Variants in TMEM63A observed in about 807,000 individuals in gnomAD.
The protein encoded by TMEM63A is mechanosensitive cation channel TMEM63A.
A neutral mutation model predicts 100.6 loss-of-function variants in TMEM63A; 76 were observed. The observed-to-expected ratio is 0.76, with a 90% confidence interval of 0.63 to 0.91. The LOEUF is 0.91. Ranked by LOEUF, TMEM63A falls within the 40% of genes least tolerant of loss-of-function variation. TMEM63A has a pLI of 0.00. For missense variants in TMEM63A, 876 were observed against 1,008.8 expected, an observed-to-expected ratio of 0.87 and a Z score of 1.78; for synonymous variants, 401 against 401.1, an observed-to-expected ratio of 1.00 and a Z score of 0.00.
At chr1:225,874,198 A>G (rs918851526) in intron 4 of TMEM63A, 90 bp downstream of exon 4, 14 of 1,262,794 alleles carry the variant, frequency 1.1e-5, no homozygotes, top group Non-Finnish European at 1.6e-5. Flanking sequence ...ACACACATAT[A>G]TGCACACACG....
Position 225,846,828 on chromosome 1 carries a change from A to AGAT in TMEM63A, c.*108_*110dup. The stretch of plus-strand genomic sequence containing the variant: ...TCCTCACCACTGCTGGGACCAGAAA[A>AGAT]GATGGGCACCTGATAGCTCAGCTGG... On this transcript the variant is annotated 3_prime_UTR_variant, in exon 25 of 25. Transcript: ENST00000366835. The AGAT allele has an allele frequency of 1.9e-6, 1 of 536,998 alleles. No homozygotes were observed. Among genetic ancestry groups the AGAT allele is most frequent in the African/African-American group, 1.9e-5 (1 of 52,022 alleles). 33.3% of individuals were successfully genotyped at this position (536,998 alleles called of 1,614,324 possible). A position where few individuals can be genotyped will look rare whatever the true frequency, so the allele number is the denominator to read the frequency against.
chr1:225,861,180 G>T, intron 13 of TMEM63A, 183 bp from the exon 14 acceptor site: 1 of 569,662 alleles, frequency 1.8e-6, no homozygotes, highest in Non-Finnish European at 2.8e-6. Flanking sequence ...GGAGAATTTT[G>T]TTTAATCCTC....
At chr1:225,852,964 G>A (rs1032840140) in intron 19 of TMEM63A, among the ~76,000 whole-genome samples, 195 bp from the exon 20 acceptor site, 2 of 152,214 alleles carry the variant, frequency 1.3e-5, no homozygotes, top group Non-Finnish European at 2.9e-5. Flanking sequence ...GCCCTCCCGA[G>A]GCATGGTGAT....
chr1:225,872,269 T>C (rs969578009), intron 4 of TMEM63A, among the ~76,000 whole-genome samples: 1 of 152,214 alleles, frequency 6.6e-6, no homozygotes, highest in African/African-American at 2.4e-5. Flanking sequence ...CTCTATGTTA[T>C]ACGGGATGAA....
In TMEM63A at chr1:225,859,266, A is replaced by G. The variant is rs760559507; in HGVS notation, c.1307T>C (p.Leu436Pro). The G allele has an allele frequency of 6.2e-7, 1 of 1,614,160 alleles. No homozygotes were observed. Among genetic ancestry groups the G allele is most frequent in the Non-Finnish European group, 8.5e-7 (1 of 1,180,034 alleles). ...NFTLFLGLFF[L>P]TTPSIILSTM... The stretch of plus-strand genomic sequence containing the variant: ...GGACAGGATGATGGAGGGTGTGGTC[A>G]GGAAAAATAGCCCCAGGAAGAGGGT... Residue 436 changes from leucine to proline, a missense_variant, in exon 15 of 25, where the codon CTG becomes CCG. Transcript: ENST00000366835.
chr1:225,874,225 C>T (rs1048880022), intron 4 of TMEM63A, 63 bp downstream of exon 4: 100 of 1,486,530 alleles, frequency 6.7e-5, no homozygotes, highest in Middle Eastern at 1.7e-4. Context: ...TACACACTCA[C>T]GCACATATAC....
In TMEM63A at chr1:225,862,470, C is replaced by A. The variant is rs772493449; in HGVS notation, c.936G>T (p.Val312=). The A allele has an allele frequency of 6.8e-6, 11 of 1,614,178 alleles. No individual in the cohort carries two copies. Among genetic ancestry groups the A allele is most frequent in the Non-Finnish European group, 8.5e-6 (10 of 1,180,042 alleles). ...KPCGQFCCCE[V]LGCEWEDAIS... is the part of the protein sequence containing the mutation. ...GGACCCTTACCCACTCACAGCCCAG[C>A]ACTTCACAGCAGCAAAACTGGCCAC... The change falls in exon 12 of 25, where the codon GTG becomes GTT. Residue 312 remains valine (V), a synonymous_variant. Coordinates refer to ENST00000366835, the MANE Select transcript of TMEM63A (RefSeq NM_014698.3). This position sits in a 1 kb window ranked among gnomAD's most constrained non-coding sequence, Gnocchi z 5.1.
At chr1:225,863,905 ACTCC>A in intron 10 of TMEM63A, 1 of 122,012 alleles carries the variant, frequency 8.2e-6, no homozygotes, top group Admixed American at 9.3e-5. Context: ...ACAGAGTGAG[ACTCC>A]GTCTCAAAAA....
At chr1:225,876,497 T>A (rs1262375572) in intron 3 of TMEM63A, among the ~76,000 whole-genome samples, 1 of 152,208 alleles carries the variant, frequency 6.6e-6, no homozygotes, top group Non-Finnish European at 1.5e-5. Flanking sequence ...GAAGGGGCAC[T>A]TTAACCCCAA....
intron 23 of TMEM63A, 79 bp downstream of exon 23, chr1:225,848,413 G>C: frequency 6.9e-7 from 1 of 1,453,150 alleles, no homozygotes. Flanking sequence ...AAGATTTGCC[G>C]GGGCCCATCT....
chr1:225,853,188 CTT>C lies in TMEM63A; in HGVS notation c.1798-421_1798-420del, dbSNP rs1669440968. 6.6e-6 allele frequency among the ~76,000 whole-genome samples: 1 copy of C among 152,236 alleles called. No homozygotes were observed. The highest frequency in any genetic ancestry group is 2.4e-5 in the African/African-American group (1 of 41,464). ...ATGAAGGAATGCAGCACTTCTCCCACTTTCCTCGCACAGTGCCCACCATGGCA... is the reference window on the plus strand; with the variant it reads ...ATGAAGGAATGCAGCACTTCTCCCACTCCTCGCACAGTGCCCACCATGGCA... On this transcript the variant is annotated intron_variant, in intron 19 of 24. Coordinates refer to ENST00000366835, the MANE Select transcript of TMEM63A (RefSeq NM_014698.3). This position sits in a 1 kb window ranked among gnomAD's most constrained non-coding sequence, Gnocchi z 4.0.
intron 3 of TMEM63A, among the ~76,000 whole-genome samples, chr1:225,877,006 T>C (rs1388823053): frequency 6.6e-6 from 1 of 152,116 alleles, no homozygotes; most frequent in African/African-American, 2.4e-5. Context: ...AGGTGACACT[T>C]GGGAACTGCA....
At position 225,867,683 on chromosome 1, in the gene TMEM63A, C is replaced by T. The variant is rs890273096; in HGVS notation, c.514+205G>A. 6.6e-6 allele frequency among the ~76,000 whole-genome samples: 1 copy of T among 152,036 alleles called. No homozygotes were observed. The highest frequency in any genetic ancestry group is 1.5e-5 in the Non-Finnish European group (1 of 68,024). Reference sequence around the variant, plus strand: ...GCTTTTTTCCCTATTTAAATAGAACCAGACATTGATATTGGGGCCCCAGTT... The same window carrying T: ...GCTTTTTTCCCTATTTAAATAGAACTAGACATTGATATTGGGGCCCCAGTT... On this transcript the variant is annotated intron_variant, in intron 7 of 24. Transcript: ENST00000366835. This position sits in a 1 kb window ranked among gnomAD's most constrained non-coding sequence, Gnocchi z 4.6.
At chr1:225,881,514 C>T (rs1671088077) in intron 1 of TMEM63A, among the ~76,000 whole-genome samples, 1 of 152,194 alleles carries the variant, frequency 6.6e-6, no homozygotes, top group African/African-American at 2.4e-5. Context: ...GACCTTTGCC[C>T]CCACACTAAA....
chr1:225,875,999 G>A (rs1670780041), intron 3 of TMEM63A, among the ~76,000 whole-genome samples: 1 of 138,822 alleles, frequency 7.2e-6, no homozygotes, highest in African/African-American at 2.7e-5. Context: ...CCAGGAGGAG[G>A]AAGTCGCAGT....
chr1:225,851,195 T>C (rs1669317238), intron 20 of TMEM63A, among the ~76,000 whole-genome samples: 1 of 152,012 alleles, frequency 6.6e-6, no homozygotes, highest in Non-Finnish European at 1.5e-5. Context: ...GCTGAGCCCC[T>C]GTATGTCAGT....
chr1:225,872,957 G>A (rs968431925), intron 4 of TMEM63A, among the ~76,000 whole-genome samples: 1 of 152,122 alleles, frequency 6.6e-6, no homozygotes, highest in Non-Finnish European at 1.5e-5. Flanking sequence ...GCCTCCCAAA[G>A]TGCTGGGATT....
intron 17 of TMEM63A, among the ~76,000 whole-genome samples, chr1:225,856,398 G>A (rs903656942): frequency 6.6e-6 from 1 of 150,910 alleles, no homozygotes; most frequent in East Asian, 2.0e-4. Flanking sequence ...GCCGAGGCGG[G>A]TGGATCACCT....
chr1:225,847,255 G>A lies in TMEM63A; in HGVS notation c.2251-42C>T, dbSNP rs1559031337. The stretch of plus-strand genomic sequence containing the variant: ...TTGTGCTTGGCCTGGACAGGCATGA[G>A]CTTCCACACTGCATCCCTCCCCTCC... On this transcript the variant is annotated intron_variant, in intron 23 of 24. Coordinates refer to ENST00000366835, the MANE Select transcript of TMEM63A (RefSeq NM_014698.3). 3.1e-6 allele frequency: 5 copies of A among 1,594,044 alleles called. No homozygotes were observed. The South Asian group carries it at 5.7e-5, about 18-fold the overall frequency.
Sources: gnomAD v4.1 joint callset for allele counts (sites outside exome capture counted in the v4.1 genomes callset) on GRCh38, gnomAD v4.1.1 for gene constraint, Gnocchi (gnomAD v3.1) non-coding constraint, MANE v1.5 for transcripts, NCBI Gene and HGNC (gene_info 2026-07-23, HGNC 2026-07-21) for gene names.